The following MED13 variants were observed in gnomAD, a reference collection of about 807,000 sequenced individuals.
The protein encoded by MED13 is mediator of RNA polymerase II transcription subunit 13.
In MED13, 23 loss-of-function variants were observed where a neutral mutation model predicts 225.2. The observed-to-expected ratio is 0.10, with a 90% CI of 0.07 to 0.14. MED13 has a LOEUF of 0.14. Among genes scored for constraint, MED13 ranks in the 10% least tolerant of loss-of-function variants. MED13 has a pLI of 1.00. For missense variants in MED13, 2,197 were observed against 2,594.5 expected, an observed-to-expected ratio of 0.85 and a Z score of 3.33; for synonymous variants, 942 against 889.2, an observed-to-expected ratio of 1.06 and a Z score of -1.06.
chr17:61,960,767 T>C, intron 23 of MED13, 100 bp downstream of exon 23: 1 of 788,268 alleles, frequency 1.3e-6, no homozygotes. Flanking sequence ...TCTTAATATT[T>C]TAATATATAT....
chr17:61,982,914 G>A lies in MED13; in HGVS notation c.3089C>T (p.Ala1030Val). The A allele has an allele frequency of 6.2e-7, 1 of 1,614,158 alleles. No individual in the cohort carries two copies. The highest frequency in any genetic ancestry group is 8.5e-7 in the Non-Finnish European group (1 of 1,180,030). ...ATTTTCATATTTGACTGAACCTTGA[G>A]CACTAGCAGGTCCACCAGCTCCACG... ...TPRGAGGPAS[A>V]QGSVKYENSD... Residue 1030 changes from alanine (A) to valine (V), a missense_variant, in exon 16 of 30, where the codon GCT (alanine) becomes GTT (valine). Physicochemically the swap from Ala to Val is moderately conservative, Grantham distance 64. Around this residue, in one of 12 missense-constraint regions of MED13, gnomAD observed 99 missense variants for 158.5 expected, o/e 0.62. Coordinates refer to ENST00000397786, the MANE Select transcript of MED13 (RefSeq NM_005121.3).
At position 61,960,944 on chromosome 17, in the gene MED13, C is replaced by T; in HGVS notation, c.5403G>A (p.Arg1801=). The change falls in exon 23 of 30, where the codon AGG becomes AGA. Residue 1801 remains arginine, a synonymous_variant. Coordinates refer to ENST00000397786, the MANE Select transcript of MED13 (RefSeq NM_005121.3). ...FVGYCLSHDQ[R]WILASCTDLY... ...GATCTGTGCAAGATGCAAGAATCCA[C>T]CTTTGATCATGTGATAAACAGTATC... The T allele has an allele frequency of 6.2e-7, 1 of 1,613,870 alleles. No individual in the cohort carries two copies. Among genetic ancestry groups the T allele is most frequent in the Non-Finnish European group, 8.5e-7 (1 of 1,179,950 alleles).
At chr17:61,997,467 G>A (rs544070606) in intron 9 of MED13, among the ~76,000 whole-genome samples, 7 of 152,052 alleles carry the variant, frequency 4.6e-5, no homozygotes, top group South Asian at 2.1e-4. Flanking sequence ...TCTAAATAAC[G>A]GTTAGCTGAA....
At chr17:61,953,857 C>G (rs1258136170) in intron 26 of MED13, among the ~76,000 whole-genome samples, 2 of 152,152 alleles carry the variant, frequency 1.3e-5, no homozygotes, top group African/African-American at 4.8e-5. Flanking sequence ...GAATATGTCC[C>G]AAGACCCACC....
chr17:61,950,183 A>T (rs1226338041), intron 28 of MED13, among the ~76,000 whole-genome samples: 1 of 152,112 alleles, frequency 6.6e-6, no homozygotes, highest in African/African-American at 2.4e-5. Flanking sequence ...GACAGAGGTA[A>T]TATAAAGTTT....
intron 15 of MED13, among the ~76,000 whole-genome samples, chr17:61,983,731 C>CTTTT (rs57772316): frequency 1.4e-5 from 2 of 138,476 alleles, no homozygotes; most frequent in African/African-American, 2.7e-5. Flanking sequence ...CCCAATTAAC[C>CTTTT]TTTTTTTTTT....
intron 3 of MED13, among the ~76,000 whole-genome samples, chr17:62,040,890 GA>G (rs1255951091): frequency 1.3e-5 from 2 of 152,168 alleles, no homozygotes; most frequent in Admixed American, 6.6e-5. Context: ...AACAAGTGTT[GA>G]TGAGGATGTG....
intron 11 of MED13, among the ~76,000 whole-genome samples, chr17:61,991,632 C>T (rs1322435554): frequency 6.6e-6 from 1 of 152,114 alleles, no homozygotes; most frequent in Non-Finnish European, 1.5e-5. Context: ...CTCAGCCTCC[C>T]GAGTAGCTGG....
At position 62,033,965 on chromosome 17, in the gene MED13, T is replaced by C; in HGVS notation, c.636A>G (p.Gly212=). The change falls in exon 5 of 30, where the codon GGA becomes GGG. Residue 212 remains glycine, a synonymous_variant. Coordinates refer to ENST00000397786, the MANE Select transcript of MED13 (RefSeq NM_005121.3). ...SPFQVILCPF[G]LNGTLTGQAF... ...CCTGTCCTGTGAGAGTGCCATTTAG[T>C]CCAAATGGGCATAAGATAACTAGAA... 6.2e-7 allele frequency: 1 copy of C among 1,613,860 alleles called. No homozygotes were observed. Among genetic ancestry groups the C allele is most frequent in the Non-Finnish European group, 8.5e-7 (1 of 1,179,908 alleles).
chr17:62,012,799 CT>C (rs1027058014), intron 8 of MED13, among the ~76,000 whole-genome samples: 86 of 145,038 alleles, frequency 5.9e-4, no homozygotes, highest in Admixed American at 6.9e-4. Flanking sequence ...TACTGAGACA[CT>C]TTTTTTTTTT....
intron 2 of MED13, among the ~76,000 whole-genome samples, chr17:62,062,617 CA>C (rs2081049792): frequency 2.0e-5 from 3 of 151,268 alleles, no homozygotes; most frequent in Admixed American, 2.0e-4. Context: ...CACACACACA[CA>C]CACACACACG....
chr17:62,047,033 CT>C (rs34660935), intron 3 of MED13, among the ~76,000 whole-genome samples: 52,914 of 141,464 alleles, frequency 0.37, 11,495 homozygotes, highest in East Asian at 0.72. Flanking sequence ...CTGTGCCCAG[CT>C]TTTTTTTTTT....
At chr17:61,993,671 T>C (rs1320516638) in intron 10 of MED13, among the ~76,000 whole-genome samples, 1 of 151,598 alleles carries the variant, frequency 6.6e-6, no homozygotes, top group Non-Finnish European at 1.5e-5. Context: ...GGCTCACGCC[T>C]GTAATCCCAG....
At chr17:62,032,464 G>A (rs1426718666) in intron 5 of MED13, 2 of 141,512 alleles carry the variant, frequency 1.4e-5, no homozygotes, top group Admixed American at 7.4e-5. Flanking sequence ...GCGACAGAGC[G>A]AGATTCCGTC....
At chr17:62,033,180 A>C (rs1025262605) in intron 5 of MED13, among the ~76,000 whole-genome samples, 2 of 152,016 alleles carry the variant, frequency 1.3e-5, no homozygotes, top group African/African-American at 4.8e-5. Context: ...TTAAATAAAT[A>C]ATAAAAAAAT....
chr17:61,951,501 T>C (rs912471356), intron 27 of MED13, among the ~76,000 whole-genome samples: 6 of 152,174 alleles, frequency 3.9e-5, no homozygotes, highest in Non-Finnish European at 8.8e-5. Context: ...AATGTATTTC[T>C]TGGTATTTAA....
Position 61,965,381 on chromosome 17 carries a change from G to A in MED13, c.4469C>T (p.Pro1490Leu). ...VAPTSQSLIT[P>L]PQMTNTGNAN... is the part of the protein sequence containing the mutation. Reference sequence around the variant, plus strand: ...ATTTCCAGTATTTGTCATCTGAGGTGGAGTAATCAAAGACTGACTTGTAGG... The same window carrying A: ...ATTTCCAGTATTTGTCATCTGAGGTAGAGTAATCAAAGACTGACTTGTAGG... The change falls in exon 20 of 30, where the codon CCA becomes CTA. Residue 1490 changes from proline to leucine, a missense_variant. This residue lies in a region of MED13 where 457 missense variants were observed against 442.2 expected (regional missense o/e 1.03). Coordinates refer to ENST00000397786, the MANE Select transcript of MED13 (RefSeq NM_005121.3). 1.9e-6 allele frequency: 3 copies of A among 1,614,076 alleles called. No individual in the cohort carries two copies. Among genetic ancestry groups the A allele is most frequent in the Non-Finnish European group, 2.5e-6 (3 of 1,179,946 alleles).
In MED13 at chr17:61,965,116, T is replaced by C; in HGVS notation, c.4734A>G (p.Thr1578=). The C allele has an allele frequency of 6.2e-7, 1 of 1,614,204 alleles. No individual in the cohort carries two copies. Among genetic ancestry groups the C allele is most frequent in the Non-Finnish European group, 8.5e-7 (1 of 1,180,022 alleles). ...AAGSMSTQAN[T]VQSGQLGGQQ... is the part of the protein sequence containing the mutation. ...GCCCTCCTAGCTGACCACTCTGAACTGTATTTGCTTGTGTAGACATGGATC... is the reference window on the plus strand; with the variant it reads ...GCCCTCCTAGCTGACCACTCTGAACCGTATTTGCTTGTGTAGACATGGATC... Residue 1578 remains threonine, a synonymous_variant, in exon 20 of 30, where the codon ACA becomes ACG. Transcript: ENST00000397786.
intron 2 of MED13, among the ~76,000 whole-genome samples, chr17:62,054,609 G>C (rs1318631719): frequency 6.6e-6 from 1 of 152,002 alleles, no homozygotes; most frequent in East Asian, 1.9e-4. Context: ...TTTGTGAGTT[G>C]ATGACAAAAA....
Sources: gnomAD v4.1 joint callset for allele counts (sites outside exome capture counted in the v4.1 genomes callset) on GRCh38, gnomAD v4.1.1 for gene constraint, gnomAD v4.1.1 regional missense constraint, MANE v1.5 for transcripts, NCBI Gene and HGNC (gene_info 2026-07-23, HGNC 2026-07-21) for gene names.